The following NCKAP5 variants were observed in gnomAD, a reference collection of about 807,000 sequenced individuals.
The protein encoded by NCKAP5 is nck-associated protein 5.
NCKAP5 carries 92 observed loss-of-function variants against 167.0 expected under a neutral mutation model. That is an observed-to-expected ratio of 0.55 (90% CI 0.47 to 0.66). NCKAP5 has a LOEUF of 0.66. Among genes scored for constraint, NCKAP5 ranks in the 30% least tolerant of loss-of-function variants. The pLI is 0.00. For missense variants in NCKAP5, 2,378 were observed against 2,315.0 expected, an observed-to-expected ratio of 1.03 and a Z score of -0.56; for synonymous variants, 891 against 877.4, an observed-to-expected ratio of 1.02 and a Z score of -0.27.
intron 3 of NCKAP5, among the ~76,000 whole-genome samples, chr2:133,333,673 C>T (rs1683022080): frequency 6.6e-6 from 1 of 152,136 alleles, no homozygotes. Flanking sequence ...TATATAAGTC[C>T]TTAGAGCCAA....
the NCKAP5 span, among the ~76,000 whole-genome samples, chr2:133,665,147 A>G: frequency 6.6e-6 from 1 of 152,178 alleles, no homozygotes; most frequent in African/African-American, 2.4e-5. Context: ...GGTGTTATTC[A>G]TTGTCCACTG....
At chr2:133,556,098 G>A (rs985733171) in intron 2 of NCKAP5, among the ~76,000 whole-genome samples, 1 of 152,162 alleles carries the variant, frequency 6.6e-6, no homozygotes, top group Non-Finnish European at 1.5e-5. Context: ...AAGTCAGTAT[G>A]GTGGTTACCT....
At chr2:133,108,669 G>T (rs933350242) in intron 6 of NCKAP5, among the ~76,000 whole-genome samples, 1 of 152,104 alleles carries the variant, frequency 6.6e-6, no homozygotes, top group Admixed American at 6.5e-5. Flanking sequence ...GTGAAACTTC[G>T]TACCCTTTGA....
At chr2:133,125,917 A>G (rs2082389594) in intron 6 of NCKAP5, among the ~76,000 whole-genome samples, 1 of 152,144 alleles carries the variant, frequency 6.6e-6, no homozygotes, top group Admixed American at 6.5e-5. Context: ...GTCAAGAGGG[A>G]AGAACAGATT....
intron 6 of NCKAP5, among the ~76,000 whole-genome samples, chr2:133,087,267 T>C (rs2081024450): frequency 6.6e-6 from 1 of 152,240 alleles, no homozygotes; most frequent in Admixed American, 6.5e-5. Flanking sequence ...GGGCATTCTA[T>C]AGCTAAACTA....
chr2:132,977,587 G>C (rs1182113625), intron 7 of NCKAP5, among the ~76,000 whole-genome samples: 1 of 152,138 alleles, frequency 6.6e-6, no homozygotes, highest in Admixed American at 6.6e-5. Context: ...CTTCCAACCA[G>C]GGGTTACCTA....
At chr2:133,302,807 AT>A (rs1477517519) in intron 4 of NCKAP5, among the ~76,000 whole-genome samples, 16 of 145,048 alleles carry the variant, frequency 1.1e-4, no homozygotes, top group African/African-American at 3.8e-4. Flanking sequence ...AAAAAAATAA[AT>A]AAATAAATAA....
intron 5 of NCKAP5, among the ~76,000 whole-genome samples, chr2:133,149,401 T>C (rs1401805295): frequency 6.6e-6 from 1 of 152,130 alleles, no homozygotes; most frequent in Non-Finnish European, 1.5e-5. Flanking sequence ...TGGTGCTCTA[T>C]GTTGGCTCCA....
chr2:132,726,380 A>T (rs1024671732), intron 18 of NCKAP5, among the ~76,000 whole-genome samples: 6 of 152,144 alleles, frequency 3.9e-5, no homozygotes, highest in African/African-American at 1.4e-4. Context: ...ACCTGACCCC[A>T]TCCCCTAAGG....
chr2:133,496,412 T>C (rs991053449), intron 3 of NCKAP5, among the ~76,000 whole-genome samples: 2 of 152,194 alleles, frequency 1.3e-5, no homozygotes, highest in African/African-American at 4.8e-5. Context: ...CCCTTGGCCA[T>C]TTATAGGACG....
the NCKAP5 span, among the ~76,000 whole-genome samples, chr2:133,653,166 T>C: frequency 2.6e-5 from 4 of 152,212 alleles, no homozygotes; most frequent in Non-Finnish European, 5.9e-5. Flanking sequence ...TAAGTAAATT[T>C]GAATATTAGG....
At chr2:133,220,003 T>G (rs2086594063) in intron 4 of NCKAP5, among the ~76,000 whole-genome samples, 1 of 152,188 alleles carries the variant, frequency 6.6e-6, no homozygotes, top group Admixed American at 6.5e-5. Flanking sequence ...TGAAACCAAT[T>G]GGGACTAGTA....
At chr2:132,933,426 A>G (rs902347883) in intron 8 of NCKAP5, among the ~76,000 whole-genome samples, 1 of 152,206 alleles carries the variant, frequency 6.6e-6, no homozygotes, top group Non-Finnish European at 1.5e-5. Flanking sequence ...TGAATGGGAA[A>G]TGGAATTAAA....
chr2:132,800,245 T>A (rs1684920585), intron 11 of NCKAP5, among the ~76,000 whole-genome samples: 1 of 152,196 alleles, frequency 6.6e-6, no homozygotes, highest in African/African-American at 2.4e-5. Flanking sequence ...CTCTATCATA[T>A]ACCCATGTAT....
chr2:133,446,188 A>G (rs1691182477), intron 3 of NCKAP5, among the ~76,000 whole-genome samples: 1 of 152,226 alleles, frequency 6.6e-6, no homozygotes. Flanking sequence ...AAACGCAATA[A>G]TTAGAAAACT....
intron 5 of NCKAP5, among the ~76,000 whole-genome samples, chr2:133,175,206 T>C (rs1165473710): frequency 1.3e-5 from 2 of 152,254 alleles, no homozygotes; most frequent in Non-Finnish European, 1.5e-5. Flanking sequence ...TGGGTTTTTC[T>C]ATTGGATCCT....
chr2:133,164,930 G>T (rs2083938809), intron 5 of NCKAP5, among the ~76,000 whole-genome samples: 1 of 152,214 alleles, frequency 6.6e-6, no homozygotes, highest in African/African-American at 2.4e-5. Context: ...AACATGCCTG[G>T]CTTTGTGCTG....
intron 4 of NCKAP5, among the ~76,000 whole-genome samples, chr2:133,235,378 T>A (rs2087353219): frequency 6.6e-6 from 1 of 152,138 alleles, no homozygotes; most frequent in African/African-American, 2.4e-5. Context: ...TTGTGCTTTC[T>A]GTTGGTGACT....
At chr2:133,151,396 A>G (rs2083379819) in intron 5 of NCKAP5, among the ~76,000 whole-genome samples, 1 of 152,204 alleles carries the variant, frequency 6.6e-6, no homozygotes, top group Admixed American at 6.5e-5. Flanking sequence ...TGCATAAGAT[A>G]CATTTGATAA....
Sources: allele counts gnomAD v4.1 joint callset (sites outside exome capture counted in the v4.1 genomes callset), GRCh38; gene constraint gnomAD v4.1.1; transcripts MANE v1.5; gene names NCBI Gene and HGNC (gene_info 2026-07-23, HGNC 2026-07-21).